Variants in SLC35F1 observed in about 807,000 individuals in gnomAD.
SLC35F1 encodes solute carrier family 35 member F1.
In SLC35F1, 14 loss-of-function variants were observed where a neutral mutation model predicts 48.7. The ratio of observed to expected loss-of-function variants is 0.29; its 90% CI spans 0.19 to 0.45. The LOEUF (loss-of-function observed/expected upper bound fraction) is 0.45, where lower values mean the gene tolerates loss of function less well. SLC35F1 is among the 20% of genes least tolerant of loss of function. The pLI, the probability that SLC35F1 is intolerant of heterozygous loss-of-function variation, is 1.00. For missense variants in SLC35F1, 404 were observed against 500.0 expected, an observed-to-expected ratio of 0.81 and a Z score of 1.83; for synonymous variants, 190 against 202.2, an observed-to-expected ratio of 0.94 and a Z score of 0.51.
At chr6:118,208,163 C>T (rs568148933) in intron 2 of SLC35F1, among the ~76,000 whole-genome samples, 62 of 152,284 alleles carry the variant, frequency 4.1e-4, no homozygotes, top group African/African-American at 1.4e-3. Context: ...TGCAGTGGTA[C>T]CCCCGCTGCC....
intron 2 of SLC35F1, among the ~76,000 whole-genome samples, chr6:118,204,900 G>C (rs192774474): frequency 1.3e-5 from 2 of 152,134 alleles, no homozygotes; most frequent in Non-Finnish European, 2.9e-5. Context: ...AGCTCCTTGC[G>C]TGCCAAGAAA....
chr6:118,235,989 G>A (rs1429738098), intron 3 of SLC35F1, among the ~76,000 whole-genome samples: 1 of 152,012 alleles, frequency 6.6e-6, no homozygotes, highest in Non-Finnish European at 1.5e-5. Context: ...GTTAGCAGGA[G>A]AATTATTAAT....
rs182590218 is a variant in SLC35F1 at position 117,965,884 on chromosome 6, C to T, written c.173+57985C>T. 1.5e-3 allele frequency among the ~76,000 whole-genome samples: 223 copies of T among 152,110 alleles called. 2 individuals carry two copies. Among genetic ancestry groups the T allele is most frequent in the Non-Finnish European group, 2.8e-3 (193 of 67,980 alleles). On this transcript the variant is annotated intron_variant, in intron 1 of 7. Transcript: ENST00000360388. ...ATGCACCAATCAGCGCTATGTCTAA[C>T]TGATCGGGTAGGGGACCTGGAGAAC...
intron 4 of SLC35F1, among the ~76,000 whole-genome samples, chr6:118,274,850 A>G (rs1775901445): frequency 6.6e-6 from 1 of 152,184 alleles, no homozygotes; most frequent in African/African-American, 2.4e-5. Flanking sequence ...ACAGTTACAC[A>G]TTTTGCCCAT....
chr6:118,059,070 A>G (rs1007972621), intron 1 of SLC35F1, among the ~76,000 whole-genome samples: 7 of 152,198 alleles, frequency 4.6e-5, no homozygotes, highest in Non-Finnish European at 1.0e-4. Flanking sequence ...ACGGTATTTA[A>G]TTATTAAGGC....
chr6:118,287,635 C>A (rs906749550), intron 7 of SLC35F1, among the ~76,000 whole-genome samples: 1 of 152,224 alleles, frequency 6.6e-6, no homozygotes, highest in South Asian at 2.1e-4. Context: ...TAACATGTTC[C>A]CCCTGGCAGT....
At chr6:118,231,454 A>G (rs944180587) in intron 2 of SLC35F1, among the ~76,000 whole-genome samples, 3 of 152,148 alleles carry the variant, frequency 2.0e-5, no homozygotes, top group Admixed American at 6.5e-5. Flanking sequence ...AAAGAGTTTT[A>G]ATGGTCTGTT....
At chr6:118,205,914 T>A (rs1246358905) in intron 2 of SLC35F1, among the ~76,000 whole-genome samples, 1 of 152,146 alleles carries the variant, frequency 6.6e-6, no homozygotes, top group African/African-American at 2.4e-5. Context: ...ATTCCACTTA[T>A]ATGAGGTATA....
At chr6:118,028,976 A>C (rs1317701429) in intron 1 of SLC35F1, among the ~76,000 whole-genome samples, 2 of 152,138 alleles carry the variant, frequency 1.3e-5, no homozygotes, top group African/African-American at 4.8e-5. Context: ...AAGTGAAAGA[A>C]GAAAAGTAAT....
intron 3 of SLC35F1, among the ~76,000 whole-genome samples, chr6:118,249,914 C>T (rs1775552454): frequency 6.6e-6 from 1 of 152,110 alleles, no homozygotes; most frequent in Non-Finnish European, 1.5e-5. Context: ...AGAACGATGA[C>T]AGGAAGTAGC....
intron 1 of SLC35F1, among the ~76,000 whole-genome samples, chr6:118,047,806 A>T (rs1354595796): frequency 6.6e-6 from 1 of 152,144 alleles, no homozygotes; most frequent in Non-Finnish European, 1.5e-5. Flanking sequence ...TTGGGAGTGG[A>T]TAAAGACAAA....
At chr6:117,927,681 C>G (rs1776046631) in intron 1 of SLC35F1, among the ~76,000 whole-genome samples, 1 of 152,070 alleles carries the variant, frequency 6.6e-6, no homozygotes, top group East Asian at 1.9e-4. Flanking sequence ...ACAGTGCCTG[C>G]CATATGGTAG....
intron 4 of SLC35F1, among the ~76,000 whole-genome samples, chr6:118,272,118 TG>T (rs1775858827): frequency 6.6e-6 from 1 of 152,142 alleles, no homozygotes; most frequent in East Asian, 1.9e-4. Context: ...AGCCTTTTAT[TG>T]AGAATGTATA....
chr6:118,054,802 G>A (rs540917735), intron 1 of SLC35F1, among the ~76,000 whole-genome samples: 25 of 149,900 alleles, frequency 1.7e-4, no homozygotes, highest in Non-Finnish European at 2.8e-4. Context: ...TTTTTGACAC[G>A]GAGTCTCGCT....
At chr6:117,957,121 C>T (rs532885592) in intron 1 of SLC35F1, among the ~76,000 whole-genome samples, 8 of 152,238 alleles carry the variant, frequency 5.3e-5, no homozygotes, top group African/African-American at 1.7e-4. Context: ...GTGCATCCAG[C>T]GTGTCATCAT....
At chr6:118,076,438 A>G (rs113140639) in intron 1 of SLC35F1, among the ~76,000 whole-genome samples, 3,744 of 152,294 alleles carry the variant, frequency 0.025, 162 homozygotes, top group African/African-American at 0.086. Context: ...CAGGCCGTAC[A>G]GGAGGCATGG....
intron 1 of SLC35F1, among the ~76,000 whole-genome samples, chr6:118,141,812 A>G (rs1773894297): frequency 6.6e-6 from 1 of 152,144 alleles, no homozygotes; most frequent in Non-Finnish European, 1.5e-5. Context: ...CATCTGGAGA[A>G]CACAATAAAT....
intron 1 of SLC35F1, among the ~76,000 whole-genome samples, chr6:118,094,512 A>G (rs751744893): frequency 1.3e-5 from 2 of 152,220 alleles, no homozygotes. Flanking sequence ...GAGGTCATCA[A>G]GAGAATAAAA....
At chr6:118,095,258 A>G (rs1255877347) in intron 1 of SLC35F1, among the ~76,000 whole-genome samples, 1 of 152,228 alleles carries the variant, frequency 6.6e-6, no homozygotes, top group Non-Finnish European at 1.5e-5. Context: ...GCAGAACATT[A>G]GTCTTAGTTT....
Sources: gnomAD v4.1 joint callset for allele counts (sites outside exome capture counted in the v4.1 genomes callset) on GRCh38, gnomAD v4.1.1 for gene constraint, MANE v1.5 for transcripts, NCBI Gene and HGNC (gene_info 2026-07-23, HGNC 2026-07-21) for gene names.